The following SOX5 variants were observed in gnomAD, a reference collection of about 807,000 sequenced individuals.
SOX5 encodes SRY-box transcription factor 5.
In SOX5, 9 loss-of-function variants were observed where a neutral mutation model predicts 92.0. The ratio of observed to expected loss-of-function variants is 0.10; its 90% CI spans 0.06 to 0.17. The LOEUF is 0.17. Among genes scored for constraint, SOX5 ranks in the 10% least tolerant of loss-of-function variants. The pLI is 1.00. For synonymous variants in SOX5, 344 were observed against 336.3 expected, an observed-to-expected ratio of 1.02 and a Z score of -0.25; for missense variants, 642 against 944.5, an observed-to-expected ratio of 0.68 and a Z score of 4.20.
chr12:23,887,295 A>T (rs779316410), intron 2 of SOX5, among the ~76,000 whole-genome samples: 1 of 152,188 alleles, frequency 6.6e-6, no homozygotes, highest in Non-Finnish European at 1.5e-5. Flanking sequence ...ATTGAGATCC[A>T]CAAGAAGATC....
intron 2 of SOX5, among the ~76,000 whole-genome samples, chr12:23,874,053 A>T (rs563283817): frequency 6.6e-6 from 1 of 152,356 alleles, no homozygotes; most frequent in Admixed American, 6.5e-5. Context: ...ATGGTGATTC[A>T]CAAAAGTATA....
intron 4 of SOX5, among the ~76,000 whole-genome samples, chr12:24,087,912 A>G (rs150391986): frequency 1.3e-5 from 2 of 152,128 alleles, no homozygotes; most frequent in African/African-American, 4.8e-5. Flanking sequence ...CCCCCTTACT[A>G]ATAGAACTAA....
intron 4 of SOX5, among the ~76,000 whole-genome samples, chr12:24,134,738 C>T (rs1026165632): frequency 1.1e-4 from 17 of 152,076 alleles, no homozygotes; most frequent in Admixed American, 3.3e-4. Flanking sequence ...TACCCAGTGA[C>T]GCAAGGCAAA....
At chr12:23,820,000 C>T (rs1435143328) in intron 3 of SOX5, among the ~76,000 whole-genome samples, 1 of 152,148 alleles carries the variant, frequency 6.6e-6, no homozygotes, top group Non-Finnish European at 1.5e-5. Flanking sequence ...CTTGAGGAAT[C>T]GCCACACTGT....
chr12:24,381,517 C>T (rs1033101472), intron 1 of SOX5, among the ~76,000 whole-genome samples: 4 of 152,170 alleles, frequency 2.6e-5, no homozygotes, highest in African/African-American at 4.8e-5. Context: ...ACCCAAGTCA[C>T]GTATTCCCAC....
intron 4 of SOX5, among the ~76,000 whole-genome samples, chr12:24,012,683 T>TTGCTTTAGGA (rs1181187633): frequency 2.6e-5 from 4 of 152,020 alleles, no homozygotes; most frequent in Non-Finnish European, 5.9e-5. Flanking sequence ...GAAATCAGAA[T>TTGCTTTAGGA]TGCTTTAGGA....
At chr12:23,989,455 G>A (rs577335521) in intron 4 of SOX5, among the ~76,000 whole-genome samples, 4 of 152,102 alleles carry the variant, frequency 2.6e-5, no homozygotes, top group African/African-American at 9.6e-5. Flanking sequence ...GTAGGATATT[G>A]AATGGACAGT....
At chr12:23,816,729 A>G (rs1404098916) in intron 3 of SOX5, among the ~76,000 whole-genome samples, 1 of 152,150 alleles carries the variant, frequency 6.6e-6, no homozygotes, top group Admixed American at 6.6e-5. Flanking sequence ...GATGCAAGGA[A>G]AAGTAGGAAA....
At chr12:23,687,679 T>G (rs939986247) in intron 6 of SOX5, among the ~76,000 whole-genome samples, 52 of 152,148 alleles carry the variant, frequency 3.4e-4, no homozygotes, top group African/African-American at 1.2e-3. Context: ...AGCTACACAA[T>G]GGAGAGCTTA....
intron 1 of SOX5, among the ~76,000 whole-genome samples, chr12:24,506,913 C>T (rs575081527): frequency 1.3e-5 from 2 of 151,090 alleles, no homozygotes; most frequent in East Asian, 2.0e-4. Context: ...GCCTCAGCCT[C>T]CCAAGTAGCT....
chr12:24,038,819 T>A (rs1443092984), intron 4 of SOX5, among the ~76,000 whole-genome samples: 1 of 152,174 alleles, frequency 6.6e-6, no homozygotes, highest in Non-Finnish European at 1.5e-5. Flanking sequence ...TGCAATACTT[T>A]CATCAATATT....
Position 23,740,948 on chromosome 12 carries a change from G to T in SOX5, c.660C>A (p.His220Gln). 1 of 1,612,402 alleles carries T rather than the reference G, an allele frequency of 6.2e-7. No individual in the cohort carries two copies. Among genetic ancestry groups the T allele is most frequent in the Non-Finnish European group, 8.5e-7 (1 of 1,178,984 alleles). ...AGGCAGCTAGTTTCTTCTGCTCATC[G>T]TGGGCAGCCAACAGCTGCTCTCGGA... ...TSLREQLLAA[H>Q]DEQKKLAASQ... is the part of the protein sequence containing the mutation. Residue 220 changes from histidine (H) to glutamine (Q), a missense_variant, in exon 5 of 15, where the codon CAC (histidine) becomes CAA (glutamine). His to Gln is a conservative substitution (Grantham distance 24). Around this residue, in one of 8 missense-constraint regions of SOX5, gnomAD observed 324 missense variants for 461.6 expected, o/e 0.70. Transcript: ENST00000451604.
At chr12:24,363,729 A>G (rs1955855069) in intron 2 of SOX5, among the ~76,000 whole-genome samples, 1 of 151,024 alleles carries the variant, frequency 6.6e-6, no homozygotes, top group Non-Finnish European at 1.5e-5. Flanking sequence ...AAAAAAAAAA[A>G]GTCTGATTCA....
chr12:23,616,705 G>C (rs1363696117), intron 8 of SOX5, among the ~76,000 whole-genome samples: 1 of 152,150 alleles, frequency 6.6e-6, no homozygotes, highest in Non-Finnish European at 1.5e-5. Flanking sequence ...TGTCAGTGGA[G>C]CATAATTGAA....
chr12:23,584,529 T>G, intron 9 of SOX5: 1 of 1,566,486 alleles, frequency 6.4e-7, no homozygotes, highest in Non-Finnish European at 8.8e-7. Flanking sequence ...CAAAGAGTCA[T>G]TCCCAGTGCT....
At chr12:23,985,629 A>G (rs568514919) in intron 4 of SOX5, among the ~76,000 whole-genome samples, 6 of 152,016 alleles carry the variant, frequency 3.9e-5, no homozygotes, top group African/African-American at 1.4e-4. Flanking sequence ...ACATAGAAAC[A>G]TATCTAGTAC....
intron 4 of SOX5, among the ~76,000 whole-genome samples, chr12:24,141,739 G>GC (rs1351385401): frequency 1.3e-5 from 2 of 152,164 alleles, no homozygotes; most frequent in African/African-American, 4.8e-5. Flanking sequence ...GTGCCTTTAT[G>GC]CCCAAGGTTC....
intron 13 of SOX5, among the ~76,000 whole-genome samples, chr12:23,537,588 G>A (rs768842796): frequency 2.6e-5 from 4 of 152,170 alleles, no homozygotes; most frequent in Non-Finnish European, 5.9e-5. Flanking sequence ...CCATGATACA[G>A]TCTGCTTTAG....
rs370551585 is a variant in SOX5, at chr12:23,795,283, G to C, written c.482-39559C>G. On this transcript the variant is annotated intron_variant, in intron 3 of 14. Coordinates refer to ENST00000451604, the MANE Select transcript of SOX5 (RefSeq NM_006940.6). ...TTTTACCATTGACTTTTTTTTTTTT[G>C]ATGGATGGACTTGTATAAGATTTTT... is the stretch of plus-strand genomic sequence containing the variant. 1.3e-3 allele frequency among the ~76,000 whole-genome samples: 195 copies of C among 146,472 alleles called. 8 individuals are homozygous for C. In the South Asian group the frequency reaches 0.04, roughly 30 times the overall value.
Sources: allele counts gnomAD v4.1 joint callset (sites outside exome capture counted in the v4.1 genomes callset), GRCh38; gene constraint gnomAD v4.1.1; regional missense constraint gnomAD v4.1.1; transcripts MANE v1.5; gene names NCBI Gene and HGNC (gene_info 2026-07-23, HGNC 2026-07-21).